SLC24A3: variants seen among roughly 807,000 people sequenced by gnomAD.
SLC24A3 encodes the protein sodium/potassium/calcium exchanger 3.
Under a neutral mutation model 75.8 loss-of-function variants are expected in SLC24A3, and 28 were observed. The observed-to-expected ratio is 0.37, with a 90% CI of 0.27 to 0.51. The LOEUF (loss-of-function observed/expected upper bound fraction) is 0.51, where lower values mean the gene tolerates loss of function less well. Among genes scored for constraint, SLC24A3 ranks in the 20% least tolerant of loss-of-function variants. SLC24A3 has a pLI of 0.94. For synonymous variants in SLC24A3, 372 were observed against 334.1 expected (o/e 1.11, Z -1.24); for missense variants, 663 against 847.8 (o/e 0.78, Z 2.71).
chr20:19,492,684 T>C (rs577055679), intron 2 of SLC24A3, among the ~76,000 whole-genome samples: 44 of 152,228 alleles, frequency 2.9e-4, no homozygotes, highest in Non-Finnish European at 6.0e-4. Flanking sequence ...TTCCTGTATA[T>C]TTTCCTTAAA....
intron 2 of SLC24A3, among the ~76,000 whole-genome samples, chr20:19,456,685 T>C (rs1987583623): frequency 6.6e-6 from 1 of 152,270 alleles, no homozygotes; most frequent in African/African-American, 2.4e-5. Flanking sequence ...ACTGCCCCTC[T>C]ACAGCTAGCA....
intron 2 of SLC24A3, among the ~76,000 whole-genome samples, chr20:19,384,545 T>C (rs1218726574): frequency 2.6e-5 from 4 of 152,232 alleles, no homozygotes; most frequent in African/African-American, 9.6e-5. Flanking sequence ...CCATTGTGTA[T>C]ATATACCACC....
At chr20:19,221,949 CT>C (rs1395973081) in intron 1 of SLC24A3, among the ~76,000 whole-genome samples, 1 of 152,096 alleles carries the variant, frequency 6.6e-6, no homozygotes, top group Non-Finnish European at 1.5e-5. Flanking sequence ...TAAGTACTCC[CT>C]TTTCTCTTTC....
intron 6 of SLC24A3, among the ~76,000 whole-genome samples, chr20:19,653,079 G>C (rs956702958): frequency 4.6e-5 from 7 of 152,320 alleles, no homozygotes; most frequent in Admixed American, 2.6e-4. Flanking sequence ...ACTGTAAACA[G>C]ATAAAAATAC....
chr20:19,632,526 G>A (rs796451839), intron 6 of SLC24A3, among the ~76,000 whole-genome samples: 9 of 152,080 alleles, frequency 5.9e-5, no homozygotes, highest in Non-Finnish European at 1.5e-5. Flanking sequence ...GGACCCTTGT[G>A]ATTACATAAA....
At chr20:19,616,900 G>A (rs1329481673) in intron 6 of SLC24A3, among the ~76,000 whole-genome samples, 1 of 152,112 alleles carries the variant, frequency 6.6e-6, no homozygotes, top group Non-Finnish European at 1.5e-5. Flanking sequence ...ACCATTTCCT[G>A]CAGATGCCCC....
intron 1 of SLC24A3, among the ~76,000 whole-genome samples, chr20:19,263,494 G>C (rs2122198967): frequency 1.3e-5 from 2 of 152,338 alleles, no homozygotes; most frequent in Middle Eastern, 3.4e-3. Context: ...GGGTTCACTA[G>C]GGATGAGAGT....
intron 2 of SLC24A3, among the ~76,000 whole-genome samples, chr20:19,357,807 T>A (rs531089183): frequency 1.0e-3 from 158 of 152,372 alleles, no homozygotes; most frequent in Non-Finnish European, 1.8e-3. Flanking sequence ...GCCCTTCAGA[T>A]AATGGGCAAA....
chr20:19,686,427 A>G (rs573225549), intron 12 of SLC24A3, among the ~76,000 whole-genome samples: 26 of 152,322 alleles, frequency 1.7e-4, no homozygotes, highest in African/African-American at 6.0e-4. Context: ...AAGCCCAAAG[A>G]ATTCAGCCTA....
chr20:19,504,773 A>C (rs1249479316), intron 2 of SLC24A3, among the ~76,000 whole-genome samples: 1 of 152,270 alleles, frequency 6.6e-6, no homozygotes, highest in Non-Finnish European at 1.5e-5. Flanking sequence ...TCTGCACACC[A>C]CAGGGAATTT....
At chr20:19,566,477 A>G (rs2030959301) in intron 3 of SLC24A3, among the ~76,000 whole-genome samples, 2 of 152,066 alleles carry the variant, frequency 1.3e-5, no homozygotes, top group African/African-American at 2.4e-5. Context: ...CACACTTCTC[A>G]TTGCTCACTG....
At chr20:19,343,955 T>C (rs1279382006) in intron 2 of SLC24A3, among the ~76,000 whole-genome samples, 1 of 152,218 alleles carries the variant, frequency 6.6e-6, no homozygotes, top group Non-Finnish European at 1.5e-5. Context: ...TGATATTTCC[T>C]GTGGACCTCA....
chr20:19,531,936 C>T (rs1167054315), intron 3 of SLC24A3, among the ~76,000 whole-genome samples: 1 of 152,178 alleles, frequency 6.6e-6, no homozygotes, highest in East Asian at 1.9e-4. Context: ...AGTATTATCT[C>T]CTCCATGTTA....
intron 3 of SLC24A3, among the ~76,000 whole-genome samples, chr20:19,557,925 T>C (rs1237878574): frequency 6.6e-6 from 1 of 152,196 alleles, no homozygotes; most frequent in African/African-American, 2.4e-5. Context: ...ATATCCCCCC[T>C]TTTTAATGGA....
Position 19,722,660 on chromosome 20 carries a change from A to AAATT in SLC24A3, c.*1520_*1521insAATT, listed in dbSNP as rs1272761901. 1.3e-5 allele frequency: 2 copies of AAATT among 152,656 alleles called. No homozygotes were observed. Among genetic ancestry groups the AAATT allele is most frequent in the African/African-American group, 4.8e-5 (2 of 41,448 alleles). 9.5% of individuals were successfully genotyped at this position (152,656 alleles called of 1,614,324 possible). On this transcript the variant is annotated 3_prime_UTR_variant, in exon 17 of 17. Coordinates refer to ENST00000328041, the MANE Select transcript of SLC24A3 (RefSeq NM_020689.4). ...GTATGGTTTTCCCTGTCCCTTGTAC[A>AAATT]CATTCTGGTATGAATTTGTAAAAAT... is the stretch of plus-strand genomic sequence containing the variant.
In SLC24A3 at chr20:19,212,917, C is replaced by T; in HGVS notation, c.75C>T (p.Ser25=). 2.2e-6 allele frequency: 3 copies of T among 1,351,842 alleles called. No homozygotes were observed. Among genetic ancestry groups the T allele is most frequent in the Non-Finnish European group, 1.9e-6 (2 of 1,047,936 alleles). 83.7% of individuals were successfully genotyped at this position (1,351,842 alleles called of 1,614,324 possible). A position where few individuals can be genotyped will look rare whatever the true frequency, so the allele number is the denominator to read the frequency against. Residue 25 remains serine (S), a synonymous_variant, in exon 1 of 17, where the codon AGC becomes AGT. Transcript: ENST00000328041. Reference sequence around the variant, plus strand: ...GCCGCCGGAGGGACCTTCTGCTGAGCCAGCTCTGCTTCCTGGCCTCGGTGG... The same window carrying T: ...GCCGCCGGAGGGACCTTCTGCTGAGTCAGCTCTGCTTCCTGGCCTCGGTGG... ...RRRRRRDLLL[S]QLCFLASVAL...
intron 3 of SLC24A3, among the ~76,000 whole-genome samples, chr20:19,524,040 C>T (rs1368789120): frequency 1.3e-5 from 2 of 152,156 alleles, no homozygotes; most frequent in Admixed American, 6.5e-5. Context: ...CCTGTTCCCT[C>T]TCGCTTCAGC....
At chr20:19,214,264 A>C (rs1052438399) in intron 1 of SLC24A3, among the ~76,000 whole-genome samples, 2 of 151,962 alleles carry the variant, frequency 1.3e-5, no homozygotes, top group Non-Finnish European at 2.9e-5. Flanking sequence ...GGCTCTCTCC[A>C]TTGCTCTCCT....
intron 2 of SLC24A3, among the ~76,000 whole-genome samples, chr20:19,363,803 C>A (rs1289639691): frequency 6.6e-6 from 1 of 152,064 alleles, no homozygotes; most frequent in African/African-American, 2.4e-5. Flanking sequence ...TACACGTATG[C>A]CAGGAAAAAT....
Sources: allele counts gnomAD v4.1 joint callset (sites outside exome capture counted in the v4.1 genomes callset), GRCh38; gene constraint gnomAD v4.1.1; transcripts MANE v1.5; gene names NCBI Gene and HGNC (gene_info 2026-07-23, HGNC 2026-07-21).